Variants in COL24A1 observed in about 807,000 individuals in gnomAD.
The protein encoded by COL24A1 is collagen type XXIV alpha 1 chain, also known as collagen alpha-1(XXIV) chain.
Under a neutral mutation model 253.9 loss-of-function variants are expected in COL24A1, and 224 were observed. That is an observed-to-expected ratio of 0.88 (90% CI 0.79 to 0.99). COL24A1 has a LOEUF of 0.99. Among genes scored for constraint, COL24A1 ranks in the 50% least tolerant of loss-of-function variants. The pLI, the probability that COL24A1 is intolerant of heterozygous loss-of-function variation, is 0.00. For missense variants in COL24A1, 2,131 were observed against 2,068.5 expected (o/e 1.03, Z -0.59); for synonymous variants, 685 against 673.7 (o/e 1.02, Z -0.26).
chr1:86,057,038 C>T (rs185683148), intron 10 of COL24A1, among the ~76,000 whole-genome samples: 13 of 152,134 alleles, frequency 8.5e-5, no homozygotes, highest in Admixed American at 7.2e-4. Context: ...CCCTCCAAAT[C>T]GCATGTTAAA....
At chr1:85,793,268 G>A (rs181656068) in intron 47 of COL24A1, among the ~76,000 whole-genome samples, 257 of 152,166 alleles carry the variant, frequency 1.7e-3, no homozygotes, top group Non-Finnish European at 2.9e-3. Context: ...CTTACAGGGA[G>A]GTACATATAG....
intron 35 of COL24A1, among the ~76,000 whole-genome samples, chr1:85,870,370 C>G (rs1182410465): frequency 1.3e-5 from 2 of 152,182 alleles, no homozygotes; most frequent in African/African-American, 2.4e-5. Context: ...ACAGAACTTT[C>G]CACCCCAAAT....
intron 19 of COL24A1, among the ~76,000 whole-genome samples, chr1:86,002,835 T>G (rs556189596): frequency 7.2e-5 from 11 of 152,094 alleles, no homozygotes; most frequent in African/African-American, 2.4e-4. Context: ...TCTTACATAC[T>G]CCACCACAAA....
At chr1:85,945,002 G>GTTTTTTTTTTTTTTTTTTTTT (rs1165341082) in intron 24 of COL24A1, among the ~76,000 whole-genome samples, 1 of 35,366 alleles carries the variant, frequency 2.8e-5, no homozygotes, top group African/African-American at 1.2e-4. Context: ...CTATCATTGT[G>GTTTTTTTTTTTTTTTTTTTTT]TTTTTTTTTT....
intron 3 of COL24A1, among the ~76,000 whole-genome samples, chr1:86,123,015 C>G (rs1647619353): frequency 6.6e-6 from 1 of 151,992 alleles, no homozygotes. Context: ...AATCCTGGCT[C>G]TATCATTTAC....
intron 22 of COL24A1, among the ~76,000 whole-genome samples, chr1:85,967,398 G>A (rs145845437): frequency 5.4e-4 from 82 of 152,260 alleles, no homozygotes; most frequent in African/African-American, 1.9e-3. Context: ...TGAGGAATTT[G>A]GGATCATAAA....
intron 4 of COL24A1, among the ~76,000 whole-genome samples, chr1:86,114,017 A>G (rs916273743): frequency 6.6e-6 from 1 of 152,116 alleles, no homozygotes; most frequent in African/African-American, 2.4e-5. Flanking sequence ...TTATTTCACA[A>G]AGCTCAGTAG....
intron 1 of COL24A1, among the ~76,000 whole-genome samples, chr1:86,146,629 A>C (rs898321720): frequency 6.6e-6 from 1 of 151,980 alleles, no homozygotes; most frequent in Non-Finnish European, 1.5e-5. Context: ...TTGCTTAACT[A>C]TAGTGATTAT....
rs79564378 is a variant in COL24A1 at position 86,068,609 on chromosome 1, G to A, written c.1708-4850C>T. On this transcript the variant is annotated intron_variant, in intron 7 of 59. Coordinates refer to ENST00000370571, the MANE Select transcript of COL24A1 (RefSeq NM_152890.7). Reference sequence around the variant, plus strand: ...CTGGGCTTACAGCCAGTGAACTAGGGTGGAATGTGAACTAAGGAGACAACA... The same window carrying A: ...CTGGGCTTACAGCCAGTGAACTAGGATGGAATGTGAACTAAGGAGACAACA... Among the ~76,000 whole-genome samples, 22 of 152,286 alleles carry A rather than the reference G, an allele frequency of 1.4e-4. No homozygotes were observed. The East Asian group carries it at 4.3e-3, about 29-fold the overall frequency.
In COL24A1 at chr1:85,761,432, A is replaced by T. The variant is rs376839287; in HGVS notation, c.4411-10T>A. Reference sequence around the variant, plus strand: ...GTGCTCCAGGTGGACCCTAGAACACAGCAAATTAAAAAAAATACACATTTA... The same window carrying T: ...GTGCTCCAGGTGGACCCTAGAACACTGCAAATTAAAAAAAATACACATTTA... On this transcript the variant is annotated splice_polypyrimidine_tract_variant and intron_variant, in intron 54 of 59. Coordinates refer to ENST00000370571, the MANE Select transcript of COL24A1 (RefSeq NM_152890.7). 1.2e-6 allele frequency: 2 copies of T among 1,614,036 alleles called. No individual in the cohort carries two copies. Among genetic ancestry groups the T allele is most frequent in the African/African-American group, 1.3e-5 (1 of 74,946 alleles).
chr1:85,935,605 C>T (rs1024126996), intron 24 of COL24A1, among the ~76,000 whole-genome samples: 1 of 147,404 alleles, frequency 6.8e-6, no homozygotes, highest in Non-Finnish European at 1.5e-5. Flanking sequence ...ACTTTAAGTT[C>T]ATTGGTCTAT....
chr1:86,050,084 A>G, intron 11 of COL24A1, 40 bp downstream of exon 11: 1 of 1,555,982 alleles, frequency 6.4e-7, no homozygotes, highest in Non-Finnish European at 8.9e-7. Flanking sequence ...TATCACAAGT[A>G]TATCACTTTA....
At position 86,050,235 on chromosome 1, in the gene COL24A1, A is replaced by T. The variant is rs1700208738; in HGVS notation, c.1852-58T>A. ...CATTTGAATATTCTCCCCATAAGTGATTCTGAATAGAAGTACTTAAAATTT... is the reference window on the plus strand; with the variant it reads ...CATTTGAATATTCTCCCCATAAGTGTTTCTGAATAGAAGTACTTAAAATTT... On this transcript the variant is annotated intron_variant, in intron 10 of 59. Coordinates refer to ENST00000370571, the MANE Select transcript of COL24A1 (RefSeq NM_152890.7). The T allele has an allele frequency of 1.3e-5, 19 of 1,449,648 alleles. No homozygotes were observed. In the South Asian group the frequency reaches 2.1e-4, roughly 16 times the overall value. 89.8% of individuals were successfully genotyped at this position (1,449,648 alleles called of 1,614,324 possible).
intron 14 of COL24A1, among the ~76,000 whole-genome samples, chr1:86,030,856 C>T (rs1559064358): frequency 6.6e-6 from 1 of 151,772 alleles, no homozygotes; most frequent in African/African-American, 2.4e-5. Context: ...CCTTGGCCTC[C>T]TAAAGTGCTG....
intron 24 of COL24A1, among the ~76,000 whole-genome samples, chr1:85,958,783 A>G (rs1327269318): frequency 6.6e-6 from 1 of 152,148 alleles, no homozygotes; most frequent in African/African-American, 2.4e-5. Context: ...ATGGTTAGAT[A>G]ATTCTAGATT....
chr1:85,819,632 A>G (rs535004158), intron 45 of COL24A1, among the ~76,000 whole-genome samples: 18 of 152,256 alleles, frequency 1.2e-4, no homozygotes, highest in East Asian at 7.7e-4. Flanking sequence ...GGTTTGTTAT[A>G]AAGGACTCAA....
chr1:86,084,396 T>C (rs1702892556), intron 7 of COL24A1, among the ~76,000 whole-genome samples: 1 of 152,234 alleles, frequency 6.6e-6, no homozygotes, highest in Non-Finnish European at 1.5e-5. Context: ...CTCTATTCTG[T>C]CCACCTTCTC....
chr1:85,842,349 T>C lies in COL24A1; in HGVS notation c.3507A>G (p.Pro1169=), dbSNP rs747408233. The change falls in exon 40 of 60, where the codon CCA becomes CCG. Residue 1169 remains proline (P), a synonymous_variant. Transcript: ENST00000370571. ...LMGPDGEPGI[P]GYRGHQGQPG... is the part of the protein sequence containing the mutation. ...AATTATAAATACTTACCCTGTACCC[T>C]GGAATTCCTGGTTCTCCATCAGGTC... 2 of 1,598,766 alleles carry C rather than the reference T, an allele frequency of 1.3e-6. No homozygotes were observed. The highest frequency in any genetic ancestry group is 2.2e-5 in the East Asian group (1 of 44,778).
intron 1 of COL24A1, chr1:86,155,046 A>T (rs1653331722): frequency 6.6e-6 from 1 of 152,368 alleles, no homozygotes; most frequent in African/African-American, 2.4e-5. Flanking sequence ...CGCTCTGAGA[A>T]GGCAACCCGC....
Sources: allele counts gnomAD v4.1 joint callset (sites outside exome capture counted in the v4.1 genomes callset), GRCh38; gene constraint gnomAD v4.1.1; transcripts MANE v1.5; gene names NCBI Gene and HGNC (gene_info 2026-07-23, HGNC 2026-07-21).